TMEM163: variants seen among roughly 807,000 people sequenced by gnomAD.
The protein encoded by TMEM163 is transmembrane protein 163.
TMEM163 carries 17 observed loss-of-function variants against 29.3 expected under a neutral mutation model. That is an observed-to-expected ratio of 0.58 (90% CI 0.40 to 0.87). The LOEUF is 0.87. Among genes scored for constraint, TMEM163 ranks in the 40% least tolerant of loss-of-function variants. The pLI, the probability that TMEM163 is intolerant of heterozygous loss-of-function variation, is 0.00. For missense variants in TMEM163, 303 were observed against 381.5 expected (o/e 0.79, Z 1.71); for synonymous variants, 157 against 160.6 (o/e 0.98, Z 0.17).
At chr2:134,594,424 C>T (rs1682014856) in intron 2 of TMEM163, among the ~76,000 whole-genome samples, 2 of 152,172 alleles carry the variant, frequency 1.3e-5, no homozygotes, top group South Asian at 2.1e-4. Context: ...GTAATTACAT[C>T]CCATAACTTA....
chr2:134,476,977 GA>G (rs1686931639), intron 5 of TMEM163, among the ~76,000 whole-genome samples: 2 of 152,192 alleles, frequency 1.3e-5, no homozygotes, highest in South Asian at 4.2e-4. Context: ...AACTTCTCTG[GA>G]AAACCTTGTC....
At chr2:134,495,406 C>A (rs942192707) in intron 5 of TMEM163, among the ~76,000 whole-genome samples, 1 of 152,102 alleles carries the variant, frequency 6.6e-6, no homozygotes, top group Non-Finnish European at 1.5e-5. Flanking sequence ...AGAAGGCAGG[C>A]GAGGCTGTCT....
intron 2 of TMEM163, among the ~76,000 whole-genome samples, chr2:134,646,632 A>G (rs192765299): frequency 1.8e-3 from 270 of 151,688 alleles, no homozygotes; most frequent in African/African-American, 5.9e-3. Flanking sequence ...ATTAATAGAG[A>G]TGGGGTTTCA....
intron 2 of TMEM163, among the ~76,000 whole-genome samples, chr2:134,605,570 C>T (rs758030372): frequency 2.0e-5 from 3 of 151,820 alleles, no homozygotes; most frequent in East Asian, 1.9e-4. Context: ...TGGTGGCAGG[C>T]GCCTGTAATC....
At chr2:134,495,232 G>C (rs1173050278) in intron 5 of TMEM163, among the ~76,000 whole-genome samples, 5 of 152,374 alleles carry the variant, frequency 3.3e-5, no homozygotes, top group Non-Finnish European at 5.9e-5. Flanking sequence ...ACCCGAAAAA[G>C]AAGGCATGTG....
At chr2:134,697,262 G>T (rs981882257) in intron 2 of TMEM163, among the ~76,000 whole-genome samples, 5 of 152,086 alleles carry the variant, frequency 3.3e-5, no homozygotes, top group African/African-American at 4.8e-5. Flanking sequence ...ATAATAATAA[G>T]GAGAAGTGGT....
chr2:134,513,125 G>A (rs1037999298), intron 4 of TMEM163, among the ~76,000 whole-genome samples: 2 of 152,186 alleles, frequency 1.3e-5, no homozygotes, highest in South Asian at 2.1e-4. Context: ...TTGTTAATGC[G>A]TGGTAGGAAA....
chr2:134,713,090 A>G, intron 2 of TMEM163, 110 bp downstream of exon 2: 3 of 1,485,372 alleles, frequency 2.0e-6, no homozygotes, highest in South Asian at 2.7e-5. Context: ...ATCTAAAAAA[A>G]TTTACTCATC....
intron 4 of TMEM163, among the ~76,000 whole-genome samples, chr2:134,523,472 A>G (rs1439959839): frequency 2.6e-5 from 4 of 152,214 alleles, no homozygotes; most frequent in Admixed American, 6.5e-5. Flanking sequence ...TTTAGAAAAA[A>G]TGCTTAAAAA....
intron 5 of TMEM163, among the ~76,000 whole-genome samples, chr2:134,485,570 G>A (rs1159307430): frequency 1.3e-5 from 2 of 152,148 alleles, no homozygotes; most frequent in African/African-American, 4.8e-5. Context: ...GCTGCTGCCC[G>A]AGGCACAATT....
chr2:134,660,345 C>T (rs939003701), intron 2 of TMEM163, among the ~76,000 whole-genome samples: 1 of 152,050 alleles, frequency 6.6e-6, no homozygotes, highest in Non-Finnish European at 1.5e-5. Context: ...GAGGCCTCTG[C>T]AATCAGGAAG....
chr2:134,463,163 C>T (rs116308287), intron 6 of TMEM163, among the ~76,000 whole-genome samples: 1 of 152,148 alleles, frequency 6.6e-6, no homozygotes, highest in Non-Finnish European at 1.5e-5. Flanking sequence ...TGAGGGAAGC[C>T]GAGGCCAGCC....
At chr2:134,491,689 G>A (rs995668944) in intron 5 of TMEM163, among the ~76,000 whole-genome samples, 1 of 152,096 alleles carries the variant, frequency 6.6e-6, no homozygotes, top group Non-Finnish European at 1.5e-5. Flanking sequence ...TGTGTCTAAC[G>A]CCTCTGCCTA....
chr2:134,482,889 C>T (rs761896459), intron 5 of TMEM163, among the ~76,000 whole-genome samples: 5 of 152,258 alleles, frequency 3.3e-5, no homozygotes, highest in Admixed American at 6.5e-5. Flanking sequence ...TCAGGTTCGT[C>T]GGTGGGCTTC....
chr2:134,668,941 C>T (rs571692578), intron 2 of TMEM163, among the ~76,000 whole-genome samples: 79 of 152,216 alleles, frequency 5.2e-4, no homozygotes, highest in African/African-American at 1.8e-3. Flanking sequence ...GCTCTCACAC[C>T]GAGAGACTCA....
intron 5 of TMEM163, among the ~76,000 whole-genome samples, chr2:134,495,322 G>C (rs556164310): frequency 4.6e-5 from 7 of 152,228 alleles, no homozygotes; most frequent in Non-Finnish European, 1.0e-4. Flanking sequence ...GGGTGGAGGG[G>C]AGCGGCCCTG....
chr2:134,560,337 A>G (rs1335456907), intron 2 of TMEM163, among the ~76,000 whole-genome samples: 1 of 152,236 alleles, frequency 6.6e-6, no homozygotes, highest in East Asian at 1.9e-4. Context: ...TCCCTGATGT[A>G]TCCCGAATGC....
chr2:134,598,688 C>T (rs569503248), intron 2 of TMEM163, among the ~76,000 whole-genome samples: 39 of 151,918 alleles, frequency 2.6e-4, no homozygotes, highest in African/African-American at 8.2e-4. Context: ...CCAAGGTGGG[C>T]GGAGAATCAC....
intron 2 of TMEM163, among the ~76,000 whole-genome samples, chr2:134,604,148 C>T (rs994291964): frequency 5.3e-5 from 8 of 152,118 alleles, no homozygotes; most frequent in African/African-American, 1.9e-4. Context: ...ACATCTGACC[C>T]TAAGTAACTC....
Sources: gnomAD v4.1 joint callset for allele counts (sites outside exome capture counted in the v4.1 genomes callset) on GRCh38, gnomAD v4.1.1 for gene constraint, MANE v1.5 for transcripts, NCBI Gene and HGNC (gene_info 2026-07-23, HGNC 2026-07-21) for gene names.